Variants in RIMS2 observed in about 807,000 individuals in gnomAD.
The protein encoded by RIMS2 is regulating synaptic membrane exocytosis 2, also known as regulating synaptic membrane exocytosis protein 2.
A neutral mutation model predicts 174.4 loss-of-function variants in RIMS2; 59 were observed. The ratio of observed to expected loss-of-function variants is 0.34; its 90% CI spans 0.27 to 0.42. The LOEUF is 0.42. Among genes scored for constraint, RIMS2 ranks in the 10% least tolerant of loss-of-function variants. RIMS2 has a pLI of 1.00. For missense variants in RIMS2, 1,620 were observed against 1,666.3 expected, an observed-to-expected ratio of 0.97 and a Z score of 0.48; for synonymous variants, 606 against 572.5, an observed-to-expected ratio of 1.06 and a Z score of -0.84.
intron 19 of RIMS2, among the ~76,000 whole-genome samples, chr8:104,060,015 A>G (rs1027888266): frequency 9.7e-4 from 147 of 151,966 alleles, no homozygotes; most frequent in African/African-American, 3.4e-3. Flanking sequence ...CATCAAGGAT[A>G]TTGGTCTAAA....
intron 1 of RIMS2, among the ~76,000 whole-genome samples, chr8:103,550,441 G>A (rs964538117): frequency 1.3e-5 from 2 of 152,134 alleles, no homozygotes; most frequent in Admixed American, 6.6e-5. Context: ...CAGACTCTGG[G>A]ACACATTTAA....
chr8:103,508,475 A>G (rs1304058545), intron 1 of RIMS2, among the ~76,000 whole-genome samples: 4 of 139,738 alleles, frequency 2.9e-5, no homozygotes, highest in Non-Finnish European at 6.4e-5. Flanking sequence ...AAAAAAAAAA[A>G]GAAGACGATG....
At chr8:104,062,188 G>A (rs949307638) in intron 19 of RIMS2, among the ~76,000 whole-genome samples, 2 of 152,058 alleles carry the variant, frequency 1.3e-5, no homozygotes, top group African/African-American at 4.8e-5. Context: ...GGCAGATCAT[G>A]AGGTCAAGAG....
chr8:103,651,038 T>C (rs992163846), intron 1 of RIMS2, among the ~76,000 whole-genome samples: 1 of 152,218 alleles, frequency 6.6e-6, no homozygotes, highest in Non-Finnish European at 1.5e-5. Flanking sequence ...CCTGGGTCTC[T>C]GTGTGTGTCT....
chr8:103,619,045 C>T (rs557483387), intron 1 of RIMS2, among the ~76,000 whole-genome samples: 1 of 150,936 alleles, frequency 6.6e-6, no homozygotes, highest in African/African-American at 2.4e-5. Flanking sequence ...CCAATCCACT[C>T]CTGGATATGC....
rs185518584 is a variant in RIMS2 at position 104,124,628 on chromosome 8, A to G, written c.3334+110013A>G. Among the ~76,000 whole-genome samples the G allele has an allele frequency of 2.1e-4, 32 of 152,320 alleles. No individual in the cohort carries two copies. The East Asian group carries it at 6.0e-3, about 28-fold the overall frequency. ...AAAGCTCTTCAAGTGGTTGTGGTGA[A>G]TACTAAAATTTGAGAACTATTTTTC... On this transcript the variant is annotated intron_variant, in intron 19 of 23. Transcript: ENST00000504942.
Position 103,697,196 on chromosome 8 carries a change from A to G in RIMS2, c.287A>G (p.His96Arg), listed in dbSNP as rs145634471. 3.2e-4 allele frequency: 513 copies of G among 1,613,866 alleles called. 2 individuals are homozygous for G. The East Asian group carries it at 9.0e-3, about 28-fold the overall frequency. The change falls in exon 2 of 24, where the codon CAC becomes CGC. Residue 96 changes from histidine to arginine, a missense_variant. Physicochemically the swap from His to Arg is conservative, Grantham distance 29. Around this residue, in one of 2 missense-constraint regions of RIMS2, gnomAD observed 1,395 missense variants for 1,360.1 expected, o/e 1.03. Coordinates refer to ENST00000504942, the Ensembl canonical transcript of RIMS2. ...GATGCGCCAACCTGTGGTATCTGCC[A>G]CAAAACAAAGTTTGCTGATGGATGT... is the stretch of plus-strand genomic sequence containing the variant.
At chr8:103,844,409 T>C (rs902167604) in intron 3 of RIMS2, among the ~76,000 whole-genome samples, 16 of 152,330 alleles carry the variant, frequency 1.1e-4, no homozygotes, top group African/African-American at 3.6e-4. Flanking sequence ...TTAAAGGTTT[T>C]AAGAGATTTA....
At chr8:103,809,024 G>C (rs538678542) in intron 3 of RIMS2, among the ~76,000 whole-genome samples, 1 of 152,226 alleles carries the variant, frequency 6.6e-6, no homozygotes, top group South Asian at 2.1e-4. Flanking sequence ...TCATGGATTT[G>C]ATTAAAAATC....
intron 15 of RIMS2, among the ~76,000 whole-genome samples, chr8:103,966,115 T>G (rs2091761310): frequency 6.6e-6 from 1 of 152,156 alleles, no homozygotes; most frequent in African/African-American, 2.4e-5. Flanking sequence ...CTTTGTCTGG[T>G]TTTGATATTG....
intron 19 of RIMS2, among the ~76,000 whole-genome samples, chr8:104,207,736 T>C (rs955055581): frequency 6.6e-6 from 1 of 151,522 alleles, no homozygotes; most frequent in East Asian, 1.9e-4. Context: ...TTGCTTGAAC[T>C]CAGGAGGCAG....
chr8:103,643,105 T>G (rs553924806), intron 1 of RIMS2, among the ~76,000 whole-genome samples: 1 of 152,178 alleles, frequency 6.6e-6, no homozygotes, highest in Non-Finnish European at 1.5e-5. Flanking sequence ...TTCACTCTTT[T>G]GTGTTTTTGT....
intron 19 of RIMS2, among the ~76,000 whole-genome samples, chr8:104,021,681 A>C (rs1284573731): frequency 6.6e-6 from 1 of 152,192 alleles, no homozygotes; most frequent in Admixed American, 6.5e-5. Flanking sequence ...ATACTTTCAC[A>C]TCTTTTACCT....
intron 19 of RIMS2, among the ~76,000 whole-genome samples, chr8:104,243,949 A>G (rs543481398): frequency 6.6e-6 from 1 of 151,778 alleles, no homozygotes; most frequent in Admixed American, 6.6e-5. Flanking sequence ...TGGTCATTGC[A>G]CCTCCCTTAA....
chr8:103,658,724 C>G (rs1033343536), intron 1 of RIMS2, among the ~76,000 whole-genome samples: 1 of 152,064 alleles, frequency 6.6e-6, no homozygotes, highest in African/African-American at 2.4e-5. Context: ...TTACCACACT[C>G]TTTTCATGAA....
chr8:103,953,584 G>A (rs762702312), intron 14 of RIMS2, among the ~76,000 whole-genome samples: 6 of 152,072 alleles, frequency 3.9e-5, no homozygotes, highest in Non-Finnish European at 7.4e-5. Context: ...CCTGTCCTAC[G>A]AGAGCTCCTG....
chr8:103,793,282 C>A (rs1288541690), intron 3 of RIMS2, among the ~76,000 whole-genome samples: 1 of 152,122 alleles, frequency 6.6e-6, no homozygotes, highest in Non-Finnish European at 1.5e-5. Flanking sequence ...TCAACATACG[C>A]AAATCAGTAA....
chr8:104,187,431 C>T (rs1001397713), intron 19 of RIMS2, among the ~76,000 whole-genome samples: 10 of 151,690 alleles, frequency 6.6e-5, no homozygotes, highest in African/African-American at 1.7e-4. Flanking sequence ...GAAGTATCAA[C>T]GCAGAATTAA....
At chr8:103,904,139 T>C (rs1205251371) in intron 4 of RIMS2, among the ~76,000 whole-genome samples, 1 of 152,126 alleles carries the variant, frequency 6.6e-6, no homozygotes, top group Admixed American at 6.6e-5. Context: ...ACCACTAATT[T>C]GTACTTTATG....
Sources: allele counts gnomAD v4.1 joint callset (sites outside exome capture counted in the v4.1 genomes callset), GRCh38; gene constraint gnomAD v4.1.1; regional missense constraint gnomAD v4.1.1; transcripts MANE v1.5; gene names NCBI Gene and HGNC (gene_info 2026-07-23, HGNC 2026-07-21).